VEGFA: variants seen among roughly 807,000 people sequenced by gnomAD.
VEGFA encodes vascular endothelial growth factor A.
A neutral mutation model predicts 49.7 loss-of-function variants in VEGFA; 20 were observed. The ratio of observed to expected loss-of-function variants is 0.40; its 90% CI spans 0.28 to 0.58. The LOEUF (loss-of-function observed/expected upper bound fraction) is 0.58. Among genes scored for constraint, VEGFA ranks in the 20% least tolerant of loss-of-function variants. The probability of loss-of-function intolerance (pLI) is 0.40; values close to 1 mark genes in which losing one functional copy is unlikely to be tolerated. For synonymous variants in VEGFA, 219 were observed against 223.4 expected, an observed-to-expected ratio of 0.98 and a Z score of 0.18; for missense variants, 505 against 553.5, an observed-to-expected ratio of 0.91 and a Z score of 0.88.
intron 1 of VEGFA, among the ~76,000 whole-genome samples, chr6:43,772,934 C>T (rs1290153143): frequency 6.6e-6 from 1 of 152,204 alleles, no homozygotes; most frequent in Non-Finnish European, 1.5e-5. Flanking sequence ...AACCGCCCCT[C>T]CTGTGCTCCC....
chr6:43,778,715 C>T (rs755660152), intron 4 of VEGFA, 174 bp from the exon 5 acceptor site: 1 of 972,056 alleles, frequency 1.0e-6, no homozygotes, highest in Non-Finnish European at 1.6e-6. Flanking sequence ...TAGTAGTATA[C>T]TTCATAGCAT....
At position 43,779,537 on chromosome 6, in the gene VEGFA, G is replaced by T. The variant is rs917308290; in HGVS notation, c.962+619G>T. The T allele has an allele frequency of 1.0e-5, 4 of 385,330 alleles. No homozygotes were observed. In the Admixed American group the frequency reaches 1.3e-4, roughly 12 times the overall value. The allele number at this position is 385,330 out of a possible 1,614,324, so 23.9% of individuals were successfully genotyped here. ...TGGCGGCAGTAACCCTTCAAGACAG[G>T]GTGGGCGGCTGGCATCAGCAAGAGC... is the stretch of plus-strand genomic sequence containing the variant. On this transcript the variant is annotated intron_variant, in intron 5 of 7. Coordinates refer to ENST00000672860, the MANE Select transcript of VEGFA (RefSeq NM_003376.6).
rs1213242974 is a variant in VEGFA, at chr6:43,773,210, G to A, written c.607-1131G>A. 1.3e-5 allele frequency: 2 copies of A among 152,562 alleles called. No individual in the cohort carries two copies. The highest frequency in any genetic ancestry group is 2.9e-5 in the Non-Finnish European group (2 of 68,258). 9.5% of individuals were successfully genotyped at this position (152,562 alleles called of 1,614,324 possible). A position where few individuals can be genotyped will look rare whatever the true frequency, so the allele number is the denominator to read the frequency against. Reference sequence around the variant, plus strand: ...GGGAGCAGGGCTGGGGTACCTGAGTGGGGTGCATTTGGGGTGTGTGGGAAG... The same window carrying A: ...GGGAGCAGGGCTGGGGTACCTGAGTAGGGTGCATTTGGGGTGTGTGGGAAG... On this transcript the variant is annotated intron_variant, in intron 1 of 7. Transcript: ENST00000672860. This position sits in a 1 kb window ranked among gnomAD's most constrained non-coding sequence, Gnocchi z 5.6.
intron 1 of VEGFA, chr6:43,774,008 T>G: frequency 2.3e-6 from 1 of 436,764 alleles, no homozygotes; most frequent in Non-Finnish European, 4.3e-6. Flanking sequence ...ACTAGGGGGA[T>G]AGTGAGAGCA....
rs1769190760 is a variant in VEGFA, at chr6:43,784,841, T to A, written c.*279T>A. ...GGATTCGCCATTTTATTTTTCTTGC[T>A]GCTAAATCACCGAGCCCGGAAGATT... is the stretch of plus-strand genomic sequence containing the variant. On this transcript the variant is annotated 3_prime_UTR_variant, in exon 8 of 8. Transcript: ENST00000672860. 1 of 611,188 alleles carries A rather than the reference T, an allele frequency of 1.6e-6. No homozygotes were observed. Among genetic ancestry groups the A allele is most frequent in the Admixed American group, 2.7e-5 (1 of 37,222 alleles). The allele number at this position is 611,188 out of a possible 1,614,324, so 37.9% of individuals were successfully genotyped here.
At chr6:43,778,691 T>A in intron 4 of VEGFA, 155 bp downstream of exon 4, 1 of 1,012,156 alleles carries the variant, frequency 9.9e-7, no homozygotes, top group Non-Finnish European at 1.5e-6. Flanking sequence ...TCTACATCTG[T>A]AAAATGGGCA....
Position 43,770,815 on chromosome 6 carries a change from G to A in VEGFA, c.109G>A (p.Ala37Thr). ...GAGCCGCGGGCAGGGGCCGGAGCCC[G>A]CGCCCGGAGGCGGGGTGGAGGGGGT... The change falls in exon 1 of 8, where the codon GCG (alanine) becomes ACG (threonine). Residue 37 changes from alanine (A) to threonine (T), a missense_variant. Ala to Thr is a moderately conservative substitution (Grantham distance 58, BLOSUM62 0). Coordinates refer to ENST00000672860, the MANE Select transcript of VEGFA (RefSeq NM_003376.6). 1 of 1,512,638 alleles carries A rather than the reference G, an allele frequency of 6.6e-7. No individual in the cohort carries two copies. The highest frequency in any genetic ancestry group is 8.8e-7 in the Non-Finnish European group (1 of 1,132,558). 93.7% of individuals were successfully genotyped at this position (1,512,638 alleles called of 1,614,324 possible).
Position 43,778,741 on chromosome 6 carries a change from A to G in VEGFA, c.933-148A>G. 2.9e-6 allele frequency: 3 copies of G among 1,039,260 alleles called. No homozygotes were observed. The South Asian group carries it at 4.0e-5, about 14-fold the overall frequency. The allele number at this position is 1,039,260 out of a possible 1,614,324, so 64.4% of individuals were successfully genotyped here. A position where few individuals can be genotyped will look rare whatever the true frequency, so the allele number is the denominator to read the frequency against. ...TTCATAGCATTGTTATAATGATTAA[A>G]CAAGTTATATATGAAAAGATTAAAA... On this transcript the variant is annotated intron_variant, in intron 4 of 7. Transcript: ENST00000672860.
intron 7 of VEGFA, chr6:43,782,560 A>C: frequency 8.3e-6 from 2 of 239,958 alleles, no homozygotes; most frequent in South Asian, 5.2e-5. Flanking sequence ...CTTCTCACTC[A>C]CTCAGTGTTT....
At chr6:43,775,942 T>C (rs1170616776) in intron 2 of VEGFA, 1 of 151,254 alleles carries the variant, frequency 6.6e-6, no homozygotes, top group Non-Finnish European at 1.5e-5. Context: ...CCCCTCATTG[T>C]CCTTTATTCT....
intron 1 of VEGFA, 158 bp from the exon 2 acceptor site, chr6:43,774,183 G>C (rs1380571227): frequency 4.0e-6 from 3 of 748,048 alleles, no homozygotes; most frequent in Non-Finnish European, 7.0e-6. Context: ...TTCTGTGCCC[G>C]TGGGGACCCC....
intron 5 of VEGFA, 73 bp from the exon 6 acceptor site, chr6:43,780,650 CCCATCCCTG>C: frequency 1.3e-6 from 2 of 1,568,402 alleles, no homozygotes; most frequent in Non-Finnish European, 1.7e-6. Flanking sequence ...TGGTCGTTCC[CCCATCCCTG>C]CCCACCTTAC....
chr6:43,771,280 C>T lies in VEGFA; in HGVS notation c.574C>T (p.Leu192Phe), dbSNP rs1763433997. ...TCTGCTGTCTTGGGTGCATTGGAGC[C>T]TTGCCTTGCTGCTCTACCTCCACCA... The change falls in exon 1 of 8, where the codon CTT (leucine) becomes TTT (phenylalanine). Residue 192 changes from leucine to phenylalanine, a missense_variant. Around this residue, in one of 2 missense-constraint regions of VEGFA, gnomAD observed 340 missense variants for 321.8 expected, o/e 1.06. Coordinates refer to ENST00000672860, the MANE Select transcript of VEGFA (RefSeq NM_003376.6). 1.9e-6 allele frequency: 3 copies of T among 1,607,108 alleles called. No homozygotes were observed. Among genetic ancestry groups the T allele is most frequent in the African/African-American group, 2.7e-5 (2 of 73,860 alleles).
intron 6 of VEGFA, 177 bp downstream of exon 6, chr6:43,780,980 A>T: frequency 6.6e-7 from 1 of 1,508,106 alleles, no homozygotes; most frequent in Middle Eastern, 2.3e-4. Context: ...CAACGGGTAG[A>T]TTTGGTGGTG....
chr6:43,782,139 G>GGA lies in VEGFA; in HGVS notation c.1166+65_1166+66dup, dbSNP rs142961510. 1,099 of 1,605,034 alleles carry GGA rather than the reference G, an allele frequency of 6.8e-4. 11 individuals are homozygous for GGA. In the East Asian group the frequency reaches 0.023, roughly 34 times the overall value. On this transcript the variant is annotated intron_variant, in intron 7 of 7. Transcript: ENST00000672860. ...AGAGAGGGGCATCACACAGAGATGG[G>GGA]GAGAGAGAGAGAGAAAGAGAGTGAG...
At position 43,774,831 on chromosome 6, in the gene VEGFA, A is replaced by G. The variant is rs78350750; in HGVS notation, c.658+439A>G. 14 of 244,734 alleles carry G rather than the reference A, an allele frequency of 5.7e-5. No homozygotes were observed. The East Asian group carries it at 1.2e-3, about 20-fold the overall frequency. The allele number at this position is 244,734 out of a possible 1,614,324, so 15.2% of individuals were successfully genotyped here. On this transcript the variant is annotated intron_variant, in intron 2 of 7. Coordinates refer to ENST00000672860, the MANE Select transcript of VEGFA (RefSeq NM_003376.6). Reference sequence around the variant, plus strand: ...GCTGGAGGCACAGAGGGCTCAGCCTAATGGGATCTCTCCTCCCTTCCCTGG... The same window carrying G: ...GCTGGAGGCACAGAGGGCTCAGCCTGATGGGATCTCTCCTCCCTTCCCTGG...
At position 43,784,629 on chromosome 6, in the gene VEGFA, T is replaced by A. The variant is rs756142052; in HGVS notation, c.*67T>A. 6.2e-7 allele frequency: 1 copy of A among 1,614,024 alleles called. No individual in the cohort carries two copies. Among genetic ancestry groups the A allele is most frequent in the Admixed American group, 1.7e-5 (1 of 60,024 alleles). ...CAGATCTCTCACCAGGAAAGACTGA[T>A]ACAGAACGATCGATACAGAAACCAC... On this transcript the variant is annotated 3_prime_UTR_variant, in exon 8 of 8. Transcript: ENST00000672860.
chr6:43,780,534 G>T, intron 5 of VEGFA, 198 bp from the exon 6 acceptor site: 1 of 682,596 alleles, frequency 1.5e-6, no homozygotes, highest in Non-Finnish European at 2.5e-6. Flanking sequence ...AAGAGCCATC[G>T]AGTGCTTGCT....
chr6:43,773,783 A>G lies in VEGFA; in HGVS notation c.607-558A>G, dbSNP rs561681320. On this transcript the variant is annotated intron_variant, in intron 1 of 7. Coordinates refer to ENST00000672860, the MANE Select transcript of VEGFA (RefSeq NM_003376.6). This position sits in a 1 kb window ranked among gnomAD's most constrained non-coding sequence, Gnocchi z 5.6. ...CCTGTGGGCATGCTGGGTTATTCCT[A>G]AGGACTAGAAGAGCTTGGATGGGGG... 1.2e-5 allele frequency: 2 copies of G among 169,472 alleles called. No homozygotes were observed. The highest frequency in any genetic ancestry group is 5.5e-5 in the Admixed American group (1 of 18,296). The allele number at this position is 169,472 out of a possible 1,614,324, so 10.5% of individuals were successfully genotyped here.
Sources: allele counts gnomAD v4.1 joint callset (sites outside exome capture counted in the v4.1 genomes callset), GRCh38; gene constraint gnomAD v4.1.1; regional missense constraint gnomAD v4.1.1; non-coding constraint Gnocchi (gnomAD v3.1); transcripts MANE v1.5; gene names NCBI Gene and HGNC (gene_info 2026-07-23, HGNC 2026-07-21).